Variants in AP2B1 observed in about 807,000 individuals in gnomAD.
AP2B1 encodes adaptor related protein complex 2 subunit beta 1.
AP2B1 carries 23 observed loss-of-function variants against 102.0 expected under a neutral mutation model. The ratio of observed to expected loss-of-function variants is 0.23; its 90% confidence interval spans 0.16 to 0.32. The LOEUF is 0.32. AP2B1 is among the 10% of genes least tolerant of loss of function. The pLI is 1.00. For synonymous variants in AP2B1, 381 were observed against 421.2 expected (o/e 0.90, Z 1.17); for missense variants, 541 against 1,157.4 (o/e 0.47, Z 7.73).
intron 3 of AP2B1, among the ~76,000 whole-genome samples, chr17:35,598,837 C>G (rs1313864750): frequency 1.3e-5 from 2 of 152,234 alleles, no homozygotes; most frequent in African/African-American, 2.4e-5. Flanking sequence ...GGACTATATG[C>G]AGGCCCCTAA....
intron 10 of AP2B1, among the ~76,000 whole-genome samples, chr17:35,638,558 G>A (rs1417290700): frequency 6.6e-6 from 1 of 152,162 alleles, no homozygotes; most frequent in African/African-American, 2.4e-5. Flanking sequence ...GGAGGCCGAG[G>A]TGGGCGGATC....
In AP2B1 at chr17:35,682,795, A is replaced by C; in HGVS notation, c.2425A>C (p.Met809Leu). ...SLPLNTLGPV[M>L]KMEPLNNLQV... ...GCCTCTCAATACCTTGGGCCCAGTC[A>C]TGAAGATGGAACCTCTGAATAACCT... Residue 809 changes from methionine (M) to leucine (L), a missense_variant, in exon 18 of 22, where the codon ATG (methionine) becomes CTG (leucine). This residue lies in a region of AP2B1 where 117 missense variants were observed against 206.7 expected (regional missense o/e 0.57). Coordinates refer to ENST00000610402, the MANE Select transcript of AP2B1 (RefSeq NM_001030006.2). 6.2e-7 allele frequency: 1 copy of C among 1,612,532 alleles called. No individual in the cohort carries two copies. The highest frequency in any genetic ancestry group is 8.5e-7 in the Non-Finnish European group (1 of 1,178,892).
At chr17:35,654,059 T>A (rs1321472774) in intron 13 of AP2B1, among the ~76,000 whole-genome samples, 1 of 151,868 alleles carries the variant, frequency 6.6e-6, no homozygotes, top group East Asian at 1.9e-4. Flanking sequence ...ATTTTTACAA[T>A]TTTTTTTACT....
At chr17:35,660,829 C>T (rs1169597005) in intron 14 of AP2B1, among the ~76,000 whole-genome samples, 1 of 152,168 alleles carries the variant, frequency 6.6e-6, no homozygotes, top group East Asian at 1.9e-4. Flanking sequence ...GGAAAGAGGG[C>T]TCCTCCTCTC....
intron 18 of AP2B1, among the ~76,000 whole-genome samples, chr17:35,708,448 A>C (rs587623979): frequency 8.1e-4 from 124 of 152,244 alleles, no homozygotes; most frequent in South Asian, 2.3e-3. Flanking sequence ...TTAAAAAAAA[A>C]AAACAAACAA....
chr17:35,677,790 A>G (rs1477131149), intron 17 of AP2B1, among the ~76,000 whole-genome samples: 1 of 150,756 alleles, frequency 6.6e-6, no homozygotes, highest in African/African-American at 2.4e-5. Flanking sequence ...ATGTTTTATA[A>G]TTTTTTTATG....
At chr17:35,625,787 T>C (rs758837749) in intron 6 of AP2B1, among the ~76,000 whole-genome samples, 7 of 152,096 alleles carry the variant, frequency 4.6e-5, no homozygotes, top group Non-Finnish European at 1.0e-4. Context: ...TATTTTCTTT[T>C]TAAAGGATGG....
intron 12 of AP2B1, among the ~76,000 whole-genome samples, chr17:35,643,187 A>G (rs962638758): frequency 6.6e-6 from 1 of 152,108 alleles, no homozygotes. Flanking sequence ...GCTAAAAAAA[A>G]AAAATCACAA....
chr17:35,619,562 G>A (rs225244), intron 5 of AP2B1, among the ~76,000 whole-genome samples: 132,341 of 152,076 alleles, frequency 0.87, 57,992 homozygotes, highest in African/African-American at 0.97. Flanking sequence ...TAATTAAGGC[G>A]GAGAAAGATT....
intron 14 of AP2B1, among the ~76,000 whole-genome samples, chr17:35,662,414 C>T (rs562974618): frequency 1.3e-5 from 2 of 151,918 alleles, no homozygotes; most frequent in South Asian, 4.2e-4. Flanking sequence ...TTGATCTGCT[C>T]TACATGTAGA....
At chr17:35,590,348 T>G (rs566025083) in intron 1 of AP2B1, among the ~76,000 whole-genome samples, 29 of 152,368 alleles carry the variant, frequency 1.9e-4, no homozygotes, top group African/African-American at 7.0e-4. Flanking sequence ...AGAGATACAC[T>G]GAATCATATA....
intron 20 of AP2B1, among the ~76,000 whole-genome samples, chr17:35,715,143 C>T (rs902845440): frequency 1.3e-5 from 2 of 152,216 alleles, no homozygotes; most frequent in Non-Finnish European, 2.9e-5. Flanking sequence ...AACCCTCTCT[C>T]TAGTCTTCTG....
intron 18 of AP2B1, among the ~76,000 whole-genome samples, chr17:35,693,584 G>C (rs950050377): frequency 6.6e-6 from 1 of 152,084 alleles, no homozygotes; most frequent in African/African-American, 2.4e-5. Context: ...TTAGAAGGAG[G>C]GACCCTGGTA....
chr17:35,638,633 A>T (rs2074677207), intron 10 of AP2B1, among the ~76,000 whole-genome samples: 1 of 151,836 alleles, frequency 6.6e-6, no homozygotes, highest in Non-Finnish European at 1.5e-5. Flanking sequence ...CTAAAAATAT[A>T]AAAAAATTAG....
At chr17:35,718,357 T>TGTGTGC (rs1491356747) in intron 21 of AP2B1, among the ~76,000 whole-genome samples, 2 of 140,322 alleles carry the variant, frequency 1.4e-5, no homozygotes, top group Non-Finnish European at 3.1e-5. Flanking sequence ...TGTGTGTGTG[T>TGTGTGC]GCTCGCTCCT....
chr17:35,596,071 G>T (rs2073261317), intron 2 of AP2B1, among the ~76,000 whole-genome samples: 1 of 152,052 alleles, frequency 6.6e-6, no homozygotes, highest in Non-Finnish European at 1.5e-5. Context: ...TTGATAGATT[G>T]TGTTCCCTGT....
chr17:35,640,053 A>G (rs2074724792), intron 11 of AP2B1, among the ~76,000 whole-genome samples: 1 of 151,144 alleles, frequency 6.6e-6, no homozygotes, highest in Admixed American at 6.6e-5. Context: ...AGTAGCTGGG[A>G]TTATAGGTGT....
At chr17:35,711,769 C>A (rs1301979306) in intron 20 of AP2B1, among the ~76,000 whole-genome samples, 1 of 152,210 alleles carries the variant, frequency 6.6e-6, no homozygotes, top group Non-Finnish European at 1.5e-5. Context: ...CTGCACCCAG[C>A]CCAGCTTTTT....
At chr17:35,590,166 C>T (rs1344352641) in intron 1 of AP2B1, among the ~76,000 whole-genome samples, 6 of 152,062 alleles carry the variant, frequency 3.9e-5, no homozygotes, top group African/African-American at 9.7e-5. Context: ...CCTTGTGATC[C>T]GCCCGCCTCC....
Sources: gnomAD v4.1 joint callset for allele counts (sites outside exome capture counted in the v4.1 genomes callset) on GRCh38, gnomAD v4.1.1 for gene constraint, gnomAD v4.1.1 regional missense constraint, MANE v1.5 for transcripts, NCBI Gene and HGNC (gene_info 2026-07-23, HGNC 2026-07-21) for gene names.